The following ITGB8 variants were observed in gnomAD, a reference collection of about 807,000 sequenced individuals.
ITGB8 encodes the protein integrin subunit beta 8, also known as integrin beta-8.
Under a neutral mutation model 89.5 loss-of-function variants are expected in ITGB8, and 30 were observed. That is an observed-to-expected ratio of 0.34 (90% CI 0.25 to 0.45). The LOEUF (loss-of-function observed/expected upper bound fraction) is 0.45, where lower values mean the gene tolerates loss of function less well. Among genes scored for constraint, ITGB8 ranks in the 20% least tolerant of loss-of-function variants. The pLI is 1.00. For missense variants in ITGB8, 836 were observed against 933.3 expected, an observed-to-expected ratio of 0.90 and a Z score of 1.36; for synonymous variants, 335 against 320.4, an observed-to-expected ratio of 1.05 and a Z score of -0.49.
At chr7:20,339,034 A>C (rs1173291736) in intron 1 of ITGB8, among the ~76,000 whole-genome samples, 3 of 152,096 alleles carry the variant, frequency 2.0e-5, no homozygotes, top group Non-Finnish European at 4.4e-5. Context: ...TCTACTAAAA[A>C]TACAAAAATT....
intron 1 of ITGB8, among the ~76,000 whole-genome samples, chr7:20,357,080 G>A (rs1279724956): frequency 1.3e-5 from 2 of 152,052 alleles, no homozygotes; most frequent in Admixed American, 6.5e-5. Flanking sequence ...TAGCTATAGG[G>A]GTCATTTCAC....
intron 3 of ITGB8, among the ~76,000 whole-genome samples, chr7:20,369,536 C>T (rs997813947): frequency 6.6e-6 from 1 of 152,136 alleles, no homozygotes; most frequent in Non-Finnish European, 1.5e-5. Flanking sequence ...ATCCTCATGA[C>T]CTCATCTAAA....
chr7:20,353,378 T>C (rs1785174974), intron 1 of ITGB8: 2 of 152,182 alleles, frequency 1.3e-5, no homozygotes, highest in South Asian at 4.1e-4. Context: ...ACCAAAGATA[T>C]TTAGTGCTGT....
intron 1 of ITGB8, among the ~76,000 whole-genome samples, chr7:20,350,754 G>T (rs1005807551): frequency 1.3e-5 from 2 of 152,188 alleles, no homozygotes; most frequent in Non-Finnish European, 2.9e-5. Context: ...TCCAGATTTG[G>T]CTTTCAAGAC....
intron 1 of ITGB8, among the ~76,000 whole-genome samples, chr7:20,346,268 A>C (rs966493864): frequency 6.6e-6 from 1 of 152,218 alleles, no homozygotes; most frequent in African/African-American, 2.4e-5. Context: ...TTCAAGCAAG[A>C]CAAGAGAACA....
chr7:20,330,253 G>A (rs1372518820), upstream of ITGB8, among the ~76,000 whole-genome samples: 2 of 152,238 alleles, frequency 1.3e-5, no homozygotes, highest in Non-Finnish European at 2.9e-5. Flanking sequence ...GGACACCGGG[G>A]CAGCCTTGTG....
chr7:20,402,510 G>C (rs1413329355), intron 10 of ITGB8, among the ~76,000 whole-genome samples: 4 of 152,136 alleles, frequency 2.6e-5, no homozygotes, highest in South Asian at 2.1e-4. Context: ...CCTCCAACTT[G>C]CTCAGAGGAT....
Position 20,401,787 on chromosome 7 carries a change from A to T in ITGB8, c.1348A>T (p.Ile450Phe). The T allele has an allele frequency of 1.2e-6, 2 of 1,608,290 alleles. No homozygotes were observed. The highest frequency in any genetic ancestry group is 1.7e-6 in the Non-Finnish European group (2 of 1,178,528). The change falls in exon 10 of 14, where the codon ATC becomes TTC. Residue 450 changes from isoleucine to phenylalanine, a missense_variant. Coordinates refer to ENST00000222573, the MANE Select transcript of ITGB8 (RefSeq NM_002214.3). ...CACAGGAGGAAAAAACTATGCAATA[A>T]TCAAACCTATTGGTTTTAATGAAAC... ...DVTGGKNYAI[I>F]KPIGFNETAK...
chr7:20,369,898 A>G (rs1785857415), intron 3 of ITGB8, among the ~76,000 whole-genome samples: 1 of 152,142 alleles, frequency 6.6e-6, no homozygotes, highest in African/African-American at 2.4e-5. Flanking sequence ...TAAGCCAATA[A>G]TAGCAGTAAC....
chr7:20,354,573 G>C (rs1258214399), intron 1 of ITGB8, among the ~76,000 whole-genome samples: 1 of 152,102 alleles, frequency 6.6e-6, no homozygotes, highest in African/African-American at 2.4e-5. Flanking sequence ...GGACTCCTTG[G>C]TATTCTGAGA....
chr7:20,405,002 T>C (rs970131463), intron 11 of ITGB8, 149 bp downstream of exon 11: 5 of 721,230 alleles, frequency 6.9e-6, no homozygotes, highest in African/African-American at 3.5e-5. Context: ...ATTAGAAGAC[T>C]TGAATTCAAA....
intron 12 of ITGB8, among the ~76,000 whole-genome samples, chr7:20,407,565 C>T (rs1278618984): frequency 6.6e-6 from 1 of 152,170 alleles, no homozygotes; most frequent in East Asian, 1.9e-4. Flanking sequence ...AGTAAACTTT[C>T]TCCAGAGTTT....
intron 1 of ITGB8, among the ~76,000 whole-genome samples, chr7:20,357,879 A>G (rs1413739823): frequency 6.6e-6 from 1 of 152,244 alleles, no homozygotes; most frequent in Non-Finnish European, 1.5e-5. Context: ...CTTAGAATAT[A>G]CACACTTATT....
intron 3 of ITGB8, among the ~76,000 whole-genome samples, chr7:20,376,526 T>A (rs1298544977): frequency 6.6e-6 from 1 of 152,182 alleles, no homozygotes; most frequent in Non-Finnish European, 1.5e-5. Flanking sequence ...GGAATACTGA[T>A]GCCTAGGACA....
At chr7:20,346,017 G>A (rs1177600411) in intron 1 of ITGB8, among the ~76,000 whole-genome samples, 8 of 152,202 alleles carry the variant, frequency 5.3e-5, no homozygotes, top group Non-Finnish European at 1.2e-4. Flanking sequence ...GTTGGTAAAT[G>A]TCAGTGAATG....
rs536309827 is a variant in ITGB8, at chr7:20,344,626, T to A, written c.127+12693T>A. 2.4e-4 allele frequency among the ~76,000 whole-genome samples: 37 copies of A among 152,290 alleles called. No homozygotes were observed. The Middle Eastern group carries it at 0.01, about 42-fold the overall frequency. ...CTGTAGGAAACAATAGTGCTTTGTG[T>A]GTGTGCAGGGAGCAGTGCAGAATGG... On this transcript the variant is annotated intron_variant, in intron 1 of 13. Coordinates refer to ENST00000222573, the MANE Select transcript of ITGB8 (RefSeq NM_002214.3).
chr7:20,332,351 A>T (rs1325465665), intron 1 of ITGB8, among the ~76,000 whole-genome samples: 1 of 152,188 alleles, frequency 6.6e-6, no homozygotes, highest in Non-Finnish European at 1.5e-5. Context: ...GCTGTAGATA[A>T]GTTGGTTATA....
rs1010299281 is a variant in ITGB8, at chr7:20,396,411, C to T, written c.1146+1426C>T. ...TTGCGCCACTGCACTCCAGCCTGGG[C>T]GACAGAGCAAGACTCCATCTCAAAA... On this transcript the variant is annotated intron_variant, in intron 8 of 13. Transcript: ENST00000222573. Among the ~76,000 whole-genome samples the T allele has an allele frequency of 7.4e-5, 11 of 149,252 alleles. No individual in the cohort carries two copies. The South Asian group carries it at 1.3e-3, about 17-fold the overall frequency.
chr7:20,402,534 G>A (rs1787357559), intron 10 of ITGB8, among the ~76,000 whole-genome samples: 1 of 152,154 alleles, frequency 6.6e-6, no homozygotes, highest in Non-Finnish European at 1.5e-5. Flanking sequence ...ATTTCTGTCA[G>A]GATGATGGGG....
Sources: allele counts gnomAD v4.1 joint callset (sites outside exome capture counted in the v4.1 genomes callset), GRCh38; gene constraint gnomAD v4.1.1; transcripts MANE v1.5; gene names NCBI Gene and HGNC (gene_info 2026-07-23, HGNC 2026-07-21).